The following FOXP2 variants were observed in gnomAD, a reference collection of about 807,000 sequenced individuals.
FOXP2 encodes forkhead box P2.
A neutral mutation model predicts 115.8 loss-of-function variants in FOXP2; 12 were observed. That is an observed-to-expected ratio of 0.10 (90% CI 0.07 to 0.17). The LOEUF (loss-of-function observed/expected upper bound fraction) is 0.17, where lower values mean the gene tolerates loss of function less well. Ranked by LOEUF, FOXP2 falls within the 10% of genes least tolerant of loss-of-function variation. The pLI is 1.00. For synonymous variants in FOXP2, 328 were observed against 297.7 expected (o/e 1.10, Z -1.05); for missense variants, 629 against 843.5 (o/e 0.75, Z 3.15).
chr7:114,491,203 T>C (rs891643352), intron 2 of FOXP2, among the ~76,000 whole-genome samples: 54 of 152,320 alleles, frequency 3.5e-4, no homozygotes, highest in Non-Finnish European at 6.9e-4. Flanking sequence ...TCATTCTAAC[T>C]GGTGTGAGAT....
chr7:114,170,822 A>G (rs1793117473), intron 1 of FOXP2, among the ~76,000 whole-genome samples: 1 of 152,248 alleles, frequency 6.6e-6, no homozygotes, highest in African/African-American at 2.4e-5. Context: ...CAACTTCATA[A>G]AGTTTGAGGT....
chr7:114,580,909 C>A (rs890852168), intron 3 of FOXP2, among the ~76,000 whole-genome samples: 2 of 151,646 alleles, frequency 1.3e-5, no homozygotes, highest in African/African-American at 2.4e-5. Context: ...GACTAGAGTC[C>A]CATAATTTTT....
At chr7:114,198,520 C>T (rs367906342) in intron 1 of FOXP2, among the ~76,000 whole-genome samples, 8 of 152,124 alleles carry the variant, frequency 5.3e-5, no homozygotes, top group Non-Finnish European at 1.0e-4. Flanking sequence ...AAACATGCAA[C>T]CTAGATTCCT....
At chr7:114,109,404 C>T (rs186942433) in intron 1 of FOXP2, among the ~76,000 whole-genome samples, 286 of 152,046 alleles carry the variant, frequency 1.9e-3, no homozygotes, top group African/African-American at 6.5e-3. Flanking sequence ...AAAATAACAA[C>T]ATAGTTTGTG....
chr7:114,287,757 C>G (rs190890127), intron 1 of FOXP2, among the ~76,000 whole-genome samples: 140 of 152,000 alleles, frequency 9.2e-4, no homozygotes, highest in Non-Finnish European at 1.8e-3. Context: ...AACAAAATCT[C>G]CATCTCTTGG....
At chr7:114,517,839 A>AT (rs908246829) in intron 2 of FOXP2, among the ~76,000 whole-genome samples, 13 of 150,886 alleles carry the variant, frequency 8.6e-5, no homozygotes, top group Non-Finnish European at 7.4e-5. Context: ...AAATTTTAAG[A>AT]TTTTTTTTTC....
chr7:114,147,628 G>A (rs867257384), intron 1 of FOXP2, among the ~76,000 whole-genome samples: 1 of 151,892 alleles, frequency 6.6e-6, no homozygotes, highest in Non-Finnish European at 1.5e-5. Flanking sequence ...TGCTCAAAGG[G>A]TATTGCCAAT....
chr7:114,119,865 T>A (rs1370083559), intron 1 of FOXP2, among the ~76,000 whole-genome samples: 1 of 152,160 alleles, frequency 6.6e-6, no homozygotes, highest in Non-Finnish European at 1.5e-5. Flanking sequence ...ACAAACAGAT[T>A]CCTGTGTATT....
intron 6 of FOXP2, among the ~76,000 whole-genome samples, chr7:114,634,693 A>G (rs748497533): frequency 1.4e-4 from 21 of 152,038 alleles, no homozygotes; most frequent in Non-Finnish European, 2.6e-4. Context: ...TTCCATCTTG[A>G]ATAATATACT....
At chr7:114,333,511 G>A (rs1180291840) in intron 2 of FOXP2, among the ~76,000 whole-genome samples, 1 of 152,202 alleles carries the variant, frequency 6.6e-6, no homozygotes, top group Non-Finnish European at 1.5e-5. Flanking sequence ...CCAGCACATC[G>A]GAAGGCCGAG....
chr7:114,202,026 A>G (rs1324308348), intron 1 of FOXP2, among the ~76,000 whole-genome samples: 2 of 152,224 alleles, frequency 1.3e-5, no homozygotes, highest in Admixed American at 6.5e-5. Context: ...ACTCAAAACA[A>G]AAATAATTAA....
At chr7:114,453,971 G>A (rs1216417939) in intron 2 of FOXP2, among the ~76,000 whole-genome samples, 2 of 152,088 alleles carry the variant, frequency 1.3e-5, no homozygotes, top group Middle Eastern at 3.2e-3. Context: ...AGGACTTCAT[G>A]TCCAAAACAC....
At position 114,692,410 on chromosome 7, in the gene FOXP2, A is replaced by C. The variant is rs1204044663; in HGVS notation, c.*2484A>C. 1 of 450,724 alleles carries C rather than the reference A, an allele frequency of 2.2e-6. No individual in the cohort carries two copies. The highest frequency in any genetic ancestry group is 4.4e-6 in the Non-Finnish European group (1 of 225,910). 27.9% of individuals were successfully genotyped at this position (450,724 alleles called of 1,614,324 possible). ...AACCTCCAAAACTGCAATTGCTTTG[A>C]AAATAGATTTTAGGTTTTTTGGAGT... On this transcript the variant is annotated 3_prime_UTR_variant, in exon 17 of 17. Transcript: ENST00000350908.
intron 1 of FOXP2, among the ~76,000 whole-genome samples, chr7:114,248,352 C>T (rs1205554353): frequency 6.6e-6 from 1 of 152,124 alleles, no homozygotes; most frequent in Non-Finnish European, 1.5e-5. Context: ...ATCCAGAAAC[C>T]CCTCAGAGAC....
intron 11 of FOXP2, 30 bp from the exon 12 acceptor site, chr7:114,659,326 A>T: frequency 7.1e-7 from 1 of 1,412,592 alleles, no homozygotes; most frequent in Non-Finnish European, 1.0e-6. Context: ...AATTATTAGC[A>T]GAATTAACAC....
At chr7:114,234,354 A>G (rs1292807578) in intron 1 of FOXP2, among the ~76,000 whole-genome samples, 2 of 152,208 alleles carry the variant, frequency 1.3e-5, no homozygotes, top group Admixed American at 1.3e-4. Context: ...AAAATGAGTG[A>G]TCAAGAATGT....
In FOXP2 at chr7:114,629,999, G is replaced by C. The variant is rs201717988; in HGVS notation, c.591G>C (p.Ala197=). The change falls in exon 5 of 17, where the codon GCG becomes GCC. Residue 197 remains alanine, a synonymous_variant. Transcript: ENST00000350908. Reference sequence around the variant, plus strand: ...AGCAACAGCATCCTGGAAAGCAAGCGAAAGAGGTAGGATCCGGTTATCTCA... The same window carrying C: ...AGCAACAGCATCCTGGAAAGCAAGCCAAAGAGGTAGGATCCGGTTATCTCA... ...QQQQQHPGKQ[A]KEQQQQQQQQ... 1 of 1,607,076 alleles carries C rather than the reference G, an allele frequency of 6.2e-7. No individual in the cohort carries two copies. The highest frequency in any genetic ancestry group is 1.7e-5 in the Admixed American group (1 of 59,210).
intron 2 of FOXP2, among the ~76,000 whole-genome samples, chr7:114,530,530 A>G (rs1318560867): frequency 6.7e-6 from 1 of 148,406 alleles, no homozygotes. Context: ...ATTTACTTTG[A>G]AAAAAAAGTT....
chr7:114,286,996 G>C (rs1266363033), intron 1 of FOXP2, among the ~76,000 whole-genome samples: 4 of 152,060 alleles, frequency 2.6e-5, no homozygotes. Flanking sequence ...AGTGATGCCA[G>C]TCATCCTTTT....
Sources: gnomAD v4.1 joint callset for allele counts (sites outside exome capture counted in the v4.1 genomes callset) on GRCh38, gnomAD v4.1.1 for gene constraint, MANE v1.5 for transcripts, NCBI Gene and HGNC (gene_info 2026-07-23, HGNC 2026-07-21) for gene names.